Variants in B3GALT1 observed in about 807,000 individuals in gnomAD.
The protein encoded by B3GALT1 is beta-1,3-galactosyltransferase 1.
Under a neutral mutation model 23.2 loss-of-function variants are expected in B3GALT1, and 10 were observed. The ratio of observed to expected loss-of-function variants is 0.43; its 90% CI spans 0.27 to 0.73. B3GALT1 has a LOEUF of 0.73. B3GALT1 is among the 30% of genes least tolerant of loss of function. The pLI, the probability that B3GALT1 is intolerant of heterozygous loss-of-function variation, is 0.21. For synonymous variants in B3GALT1, 156 were observed against 141.5 expected (o/e 1.10, Z -0.73); for missense variants, 299 against 405.4 (o/e 0.74, Z 2.25).
intron 1 of B3GALT1, among the ~76,000 whole-genome samples, chr2:167,354,136 A>G (rs1489693185): frequency 6.6e-6 from 1 of 152,158 alleles, no homozygotes; most frequent in African/African-American, 2.4e-5. Flanking sequence ...ATTTTAGAAC[A>G]ATATCCTGCC....
intron 3 of B3GALT1, among the ~76,000 whole-genome samples, chr2:167,724,284 G>A (rs1687274899): frequency 1.3e-5 from 2 of 152,132 alleles, no homozygotes. Context: ...GAGTCCTACA[G>A]GGGAAACCTC....
chr2:167,592,818 T>C (rs1684707766), intron 2 of B3GALT1, among the ~76,000 whole-genome samples: 1 of 152,130 alleles, frequency 6.6e-6, no homozygotes. Flanking sequence ...ATTTGCAAGA[T>C]ATATTACAGG....
chr2:167,557,438 T>C (rs889370684), intron 2 of B3GALT1, among the ~76,000 whole-genome samples: 6 of 152,222 alleles, frequency 3.9e-5, no homozygotes, highest in Admixed American at 1.3e-4. Context: ...TTATATATTA[T>C]TTAATATCTA....
At chr2:167,710,476 C>T (rs545385584) in intron 3 of B3GALT1, among the ~76,000 whole-genome samples, 39 of 152,196 alleles carry the variant, frequency 2.6e-4, no homozygotes, top group Non-Finnish European at 3.4e-4. Context: ...GGTGGTGAAA[C>T]TGCTCGGGAA....
intron 1 of B3GALT1, among the ~76,000 whole-genome samples, chr2:167,470,124 C>T (rs902656218): frequency 7.9e-5 from 12 of 152,046 alleles, no homozygotes; most frequent in African/African-American, 2.9e-4. Context: ...TGCATCTCAC[C>T]AGCTTCAAAC....
chr2:167,702,615 A>G (rs1389851220), intron 3 of B3GALT1, among the ~76,000 whole-genome samples: 1 of 152,226 alleles, frequency 6.6e-6, no homozygotes, highest in Admixed American at 6.5e-5. Context: ...ATGATGTGTA[A>G]TTCAATATAG....
chr2:167,834,744 G>A (rs542031311), intron 4 of B3GALT1, among the ~76,000 whole-genome samples: 2 of 152,178 alleles, frequency 1.3e-5, no homozygotes, highest in South Asian at 4.1e-4. Context: ...AGCTACTCAG[G>A]AGGCTGAAGC....
intron 2 of B3GALT1, among the ~76,000 whole-genome samples, chr2:167,594,435 T>TA (rs2105418408): frequency 6.6e-6 from 1 of 152,342 alleles, no homozygotes; most frequent in Non-Finnish European, 1.5e-5. Context: ...AGAGGATTAC[T>TA]AAATACACCA....
intron 3 of B3GALT1, among the ~76,000 whole-genome samples, chr2:167,693,810 G>T (rs546173557): frequency 2.0e-5 from 3 of 151,986 alleles, no homozygotes; most frequent in Non-Finnish European, 4.4e-5. Context: ...AACCCTCTCA[G>T]ATTTCTATTT....
intron 2 of B3GALT1, among the ~76,000 whole-genome samples, chr2:167,522,133 C>A (rs1198803630): frequency 6.6e-6 from 1 of 151,380 alleles, no homozygotes; most frequent in Non-Finnish European, 1.5e-5. Context: ...TGTAATGTGA[C>A]CTCTGCCATA....
chr2:167,536,034 G>A (rs992624596), intron 2 of B3GALT1, among the ~76,000 whole-genome samples: 13 of 151,944 alleles, frequency 8.6e-5, no homozygotes, highest in African/African-American at 1.2e-4. Context: ...AGCAATTCTC[G>A]TGCCTCAGCC....
At chr2:167,436,018 A>G (rs976619067) in intron 1 of B3GALT1, among the ~76,000 whole-genome samples, 2 of 151,384 alleles carry the variant, frequency 1.3e-5, no homozygotes, top group African/African-American at 2.4e-5. Flanking sequence ...AGTTACTATT[A>G]TATCCCTTCT....
chr2:167,853,926 G>A (rs1689952730), intron 4 of B3GALT1, among the ~76,000 whole-genome samples: 1 of 152,134 alleles, frequency 6.6e-6, no homozygotes, highest in African/African-American at 2.4e-5. Flanking sequence ...AGGGCCATGT[G>A]ACATCCAGTC....
At chr2:167,788,279 G>A (rs1413743302) in intron 3 of B3GALT1, among the ~76,000 whole-genome samples, 2 of 151,570 alleles carry the variant, frequency 1.3e-5, no homozygotes, top group African/African-American at 4.9e-5. Context: ...AGTGGGTGGG[G>A]GCGGGGGGGT....
chr2:167,724,101 C>T (rs940520242), intron 3 of B3GALT1, among the ~76,000 whole-genome samples: 1 of 152,162 alleles, frequency 6.6e-6, no homozygotes, highest in Admixed American at 6.5e-5. Context: ...ATTCTCCTTG[C>T]ATTTATGTTA....
chr2:167,560,731 G>T lies in B3GALT1; in HGVS notation c.-410+70454G>T, dbSNP rs1683963760. 3.3e-5 allele frequency among the ~76,000 whole-genome samples: 5 copies of T among 151,988 alleles called. No individual in the cohort carries two copies. In the South Asian group the frequency reaches 1.0e-3, roughly 31 times the overall value. On this transcript the variant is annotated intron_variant, in intron 2 of 4. Coordinates refer to ENST00000392690, the MANE Select transcript of B3GALT1 (RefSeq NM_020981.4). ...AGAAGGCCATTACATAATGGTAAAGGAATCAATTCAACAAGAAGAGCTAAC... is the reference window on the plus strand; with the variant it reads ...AGAAGGCCATTACATAATGGTAAAGTAATCAATTCAACAAGAAGAGCTAAC...
chr2:167,865,799 A>G (rs1392168300), intron 4 of B3GALT1, among the ~76,000 whole-genome samples: 1 of 152,142 alleles, frequency 6.6e-6, no homozygotes, highest in Non-Finnish European at 1.5e-5. Context: ...CTCAAAAACA[A>G]TAAATAAATA....
intron 3 of B3GALT1, among the ~76,000 whole-genome samples, chr2:167,771,939 G>T (rs1300560080): frequency 6.6e-6 from 1 of 152,318 alleles, no homozygotes; most frequent in East Asian, 1.9e-4. Flanking sequence ...AATACAGACT[G>T]GGGGAGAATG....
rs552088262 is a variant in B3GALT1, at chr2:167,609,411, G to A, written c.-409-37498G>A. 5.3e-5 allele frequency among the ~76,000 whole-genome samples: 8 copies of A among 152,170 alleles called. No individual in the cohort carries two copies. In the South Asian group the frequency reaches 1.7e-3, roughly 32 times the overall value. ...GAAAAGCCAACTTAAGCTGATTTAG[G>A]CAATAAGGAAACAGAGCATAAGGTA... On this transcript the variant is annotated intron_variant, in intron 2 of 4. Coordinates refer to ENST00000392690, the MANE Select transcript of B3GALT1 (RefSeq NM_020981.4).
Sources: allele counts gnomAD v4.1 joint callset (sites outside exome capture counted in the v4.1 genomes callset), GRCh38; gene constraint gnomAD v4.1.1; transcripts MANE v1.5; gene names NCBI Gene and HGNC (gene_info 2026-07-23, HGNC 2026-07-21).